DCAF6: variants seen among roughly 807,000 people sequenced by gnomAD.
DCAF6 encodes the protein DDB1- and CUL4-associated factor 6.
DCAF6 carries 54 observed loss-of-function variants against 125.1 expected under a neutral mutation model. That is an observed-to-expected ratio of 0.43 (90% CI 0.35 to 0.54). The LOEUF (loss-of-function observed/expected upper bound fraction) is 0.54, where lower values mean the gene tolerates loss of function less well. DCAF6 is among the 20% of genes least tolerant of loss of function. The probability of loss-of-function intolerance (pLI) is 0.01; values close to 1 mark genes in which losing one functional copy is unlikely to be tolerated. For missense variants in DCAF6, 934 were observed against 1,161.7 expected, an observed-to-expected ratio of 0.80 and a Z score of 2.85; for synonymous variants, 371 against 390.4, an observed-to-expected ratio of 0.95 and a Z score of 0.58.
intron 4 of DCAF6, among the ~76,000 whole-genome samples, chr1:167,976,239 T>TGG (rs528279431): frequency 6.3e-4 from 96 of 152,214 alleles, no homozygotes; most frequent in Non-Finnish European, 1.2e-3. Flanking sequence ...GAGGCTGAGG[T>TGG]GGGCGGATCA....
chr1:167,920,649 G>T, the DCAF6 span: 7 of 1,597,242 alleles, frequency 4.4e-6, no homozygotes, highest in South Asian at 8.0e-5. Flanking sequence ...TTAACGCATA[G>T]AAAGAAAAAA....
the DCAF6 span, chr1:167,878,334 A>G: frequency 8.1e-7 from 1 of 1,234,484 alleles, no homozygotes; most frequent in South Asian, 1.2e-5. Flanking sequence ...GGGAAAGCAT[A>G]GATTTCAACT....
At position 167,952,440 on chromosome 1, in the gene DCAF6, T is replaced by C. The variant is rs938855554; in HGVS notation, c.159+579T>C. On this transcript the variant is annotated intron_variant, in intron 2 of 21. Transcript: ENST00000367840. ...TTCACTGTGTTAGCCAGGATGGTGT[T>C]GATCTGACCTCGTGATCCTCCTGCC... Among the ~76,000 whole-genome samples the C allele has an allele frequency of 8.5e-5, 13 of 152,086 alleles. No individual in the cohort carries two copies. The South Asian group carries it at 1.2e-3, about 15-fold the overall frequency.
chr1:168,047,622 T>C (rs992899292), intron 16 of DCAF6, among the ~76,000 whole-genome samples: 2 of 152,000 alleles, frequency 1.3e-5, no homozygotes, highest in Non-Finnish European at 2.9e-5. Context: ...TAATTATTTA[T>C]GAATAAGAGA....
rs536431598 is a variant in DCAF6, at chr1:167,962,381, A to G, written c.160-4248A>G. ...ATATTTCGATGCTCTGTTGTTAAGC[A>G]CATACATGTTAGGGATTGGGAAACT... On this transcript the variant is annotated intron_variant, in intron 2 of 21. Transcript: ENST00000367840. Among the ~76,000 whole-genome samples the G allele has an allele frequency of 6.6e-5, 10 of 151,974 alleles. 1 individual carries two copies. The South Asian group carries it at 2.1e-3, about 32-fold the overall frequency.
At position 167,937,017 on chromosome 1, in the gene DCAF6, G is replaced by A; in HGVS notation, c.97+9G>A. 1 of 1,603,278 alleles carries A rather than the reference G, an allele frequency of 6.2e-7. No individual in the cohort carries two copies. The highest frequency in any genetic ancestry group is 8.5e-7 in the Non-Finnish European group (1 of 1,175,546). ...GCGGAGTCGCTACCTGGGTGAGCGGGGGCCCCGGGGCGGAGGCGCTGAGGT... is the reference window on the plus strand; with the variant it reads ...GCGGAGTCGCTACCTGGGTGAGCGGAGGCCCCGGGGCGGAGGCGCTGAGGT... On this transcript the variant is annotated intron_variant, in intron 1 of 21. Transcript: ENST00000367840.
chr1:167,945,183 C>T (rs1672873226), intron 1 of DCAF6, among the ~76,000 whole-genome samples: 1 of 152,142 alleles, frequency 6.6e-6, no homozygotes, highest in Admixed American at 6.5e-5. Context: ...TCTTTTTGCT[C>T]AGCATTGCTT....
chr1:167,900,676 G>A, the DCAF6 span, among the ~76,000 whole-genome samples: 1 of 152,058 alleles, frequency 6.6e-6, no homozygotes, highest in Admixed American at 6.6e-5. Flanking sequence ...GAGATTACAG[G>A]CACCCGCCAT....
rs753318675 is a variant in DCAF6 at position 168,038,406 on chromosome 1, A to G, written c.1645A>G (p.Thr549Ala). 1.2e-6 allele frequency: 2 copies of G among 1,612,048 alleles called. No homozygotes were observed. The highest frequency in any genetic ancestry group is 2.2e-5 in the East Asian group (1 of 44,778). ...NNEKLSPKPG[T>A]GEPVLSLHYS... The stretch of plus-strand genomic sequence containing the variant: ...TGAAAAGCTGAGCCCCAAACCAGGG[A>G]CAGGTGAACCAGTTTTAAGTTTGCA... The change falls in exon 13 of 22, where the codon ACA (threonine) becomes GCA (alanine). Residue 549 changes from threonine (T) to alanine (A), a missense_variant. By Grantham distance (58) the Thr-to-Ala change is moderately conservative. Transcript: ENST00000367840.
chr1:168,062,853 G>A (rs1691774965), intron 17 of DCAF6, among the ~76,000 whole-genome samples: 1 of 151,452 alleles, frequency 6.6e-6, no homozygotes, highest in Non-Finnish European at 1.5e-5. Context: ...TTCGTAATAT[G>A]GAGTCCATAA....
At chr1:167,957,820 A>G (rs538972427) in intron 2 of DCAF6, among the ~76,000 whole-genome samples, 125 of 152,210 alleles carry the variant, frequency 8.2e-4, no homozygotes, top group Non-Finnish European at 1.4e-3. Context: ...AAATTATTAT[A>G]ATCATCCTAG....
At chr1:168,038,613 T>C in intron 13 of DCAF6, 125 bp downstream of exon 13, 1 of 622,338 alleles carries the variant, frequency 1.6e-6, no homozygotes, top group East Asian at 3.3e-5. Context: ...CAAACTTGAG[T>C]GTGCTTCAGA....
Position 168,009,386 on chromosome 1 carries a change from C to CCTTT in DCAF6, c.1378+4608_1378+4611dup, listed in dbSNP as rs1291602671. Among the ~76,000 whole-genome samples, 372 of 75,590 alleles carry CCTTT rather than the reference C, an allele frequency of 4.9e-3. 5 individuals carry two copies. Among genetic ancestry groups the CCTTT allele is most frequent in the African/African-American group, 0.017 (342 of 19,874 alleles). The allele number at this position is 75,590 out of a possible 152,430, so 49.6% of individuals were successfully genotyped here. On this transcript the variant is annotated intron_variant, in intron 10 of 21. Transcript: ENST00000367840. The stretch of plus-strand genomic sequence containing the variant: ...TCCTTCCTTCCTTCCTTCCTTCCTT[C>CCTTT]CTTTCTTTCTTTCTTTCTCTCTCTC...
intron 2 of DCAF6, among the ~76,000 whole-genome samples, chr1:167,966,178 G>A (rs1034274309): frequency 1.3e-5 from 2 of 152,106 alleles, no homozygotes; most frequent in Non-Finnish European, 2.9e-5. Context: ...TTTACAGTTT[G>A]TTAACTTTTT....
chr1:168,028,321 G>T (rs1222313386), intron 12 of DCAF6, among the ~76,000 whole-genome samples: 1 of 151,900 alleles, frequency 6.6e-6, no homozygotes, highest in Non-Finnish European at 1.5e-5. Context: ...ATATGTAATT[G>T]TTGTTTTGAG....
the DCAF6 span, among the ~76,000 whole-genome samples, chr1:167,913,133 GGGTACTGACAAAGCGC>G: frequency 6.6e-6 from 1 of 152,152 alleles, no homozygotes; most frequent in African/African-American, 2.4e-5. Context: ...TGAACAGCAT[GGGTACTGACAAAGCGC>G]GGAAGCACCT....
At chr1:167,996,130 C>G (rs916763802) in intron 7 of DCAF6, among the ~76,000 whole-genome samples, 4 of 152,044 alleles carry the variant, frequency 2.6e-5, no homozygotes, top group Non-Finnish European at 5.9e-5. Context: ...TTTGTATTTT[C>G]TCAATTTGTG....
At chr1:167,964,188 C>T (rs1036732845) in intron 2 of DCAF6, among the ~76,000 whole-genome samples, 1 of 152,042 alleles carries the variant, frequency 6.6e-6, no homozygotes. Context: ...GTTTATTTTC[C>T]TTTTCTTTAA....
chr1:167,976,432 A>G (rs565071631), intron 4 of DCAF6, among the ~76,000 whole-genome samples: 1 of 152,330 alleles, frequency 6.6e-6, no homozygotes, highest in South Asian at 2.1e-4. Context: ...AGACTGCGCT[A>G]CTGTACTCCA....
Sources: allele counts gnomAD v4.1 joint callset (sites outside exome capture counted in the v4.1 genomes callset), GRCh38; gene constraint gnomAD v4.1.1; transcripts MANE v1.5; gene names NCBI Gene and HGNC (gene_info 2026-07-23, HGNC 2026-07-21).